FBN1: variants seen among roughly 807,000 people sequenced by gnomAD.
FBN1 encodes fibrillin 1, also known as fibrillin-1.
FBN1 carries 29 observed loss-of-function variants against 365.1 expected under a neutral mutation model. The ratio of observed to expected loss-of-function variants is 0.08; its 90% CI spans 0.06 to 0.11. FBN1 has a LOEUF of 0.11. Among genes scored for constraint, FBN1 ranks in the 10% least tolerant of loss-of-function variants. The probability of loss-of-function intolerance (pLI) is 1.00; values close to 1 mark genes in which losing one functional copy is unlikely to be tolerated. For synonymous variants in FBN1, 1,210 were observed against 1,270.5 expected (o/e 0.95, Z 1.01); for missense variants, 2,476 against 3,703.2 (o/e 0.67, Z 8.60).
intron 7 of FBN1, among the ~76,000 whole-genome samples, chr15:48,536,149 CAT>C (rs545355638): frequency 2.6e-4 from 39 of 152,192 alleles, no homozygotes; most frequent in Non-Finnish European, 4.4e-4. Flanking sequence ...AACAACCAAA[CAT>C]GAAGAATTTC....
chr15:48,629,984 A>T (rs1170511527), intron 2 of FBN1, among the ~76,000 whole-genome samples: 1 of 152,230 alleles, frequency 6.6e-6, no homozygotes, highest in Admixed American at 6.5e-5. Flanking sequence ...TACCATGTTA[A>T]ATCAGTGGCA....
rs1334850076 is a variant in FBN1 at position 48,427,613 on chromosome 15, G to A, written c.7158C>T (p.Phe2386=). ...EICPFQGTVA[F]KKLCPHGRGF... ...CTCGGCCATGGGGACAGAGTTTCTTGAAAGCCACAGTCCCCTGGAAAGGGC... is the reference window on the plus strand; with the variant it reads ...CTCGGCCATGGGGACAGAGTTTCTTAAAAGCCACAGTCCCCTGGAAAGGGC... The change falls in exon 58 of 66, where the codon TTC becomes TTT. Residue 2386 remains phenylalanine (F), a synonymous_variant. Coordinates refer to ENST00000316623, the MANE Select transcript of FBN1 (RefSeq NM_000138.5). 1 of 1,614,144 alleles carries A rather than the reference G, an allele frequency of 6.2e-7. No individual in the cohort carries two copies. Among genetic ancestry groups the A allele is most frequent in the East Asian group, 2.2e-5 (1 of 44,868 alleles).
intron 2 of FBN1, among the ~76,000 whole-genome samples, chr15:48,617,492 T>A (rs1305592233): frequency 6.6e-6 from 1 of 152,200 alleles, no homozygotes; most frequent in East Asian, 1.9e-4. Context: ...TGTTTTTACC[T>A]GTATTCCAAT....
At chr15:48,500,154 A>G (rs546789417) in intron 17 of FBN1, among the ~76,000 whole-genome samples, 1 of 152,360 alleles carries the variant, frequency 6.6e-6, no homozygotes, top group Admixed American at 6.5e-5. Flanking sequence ...GTGGGAACAA[A>G]AAGAAATTCA....
chr15:48,554,323 C>T (rs2044164038), intron 6 of FBN1, among the ~76,000 whole-genome samples: 1 of 152,230 alleles, frequency 6.6e-6, no homozygotes, highest in African/African-American at 2.4e-5. Context: ...GATTAAATCA[C>T]AGCAGTCGAG....
rs572845324 is a variant in FBN1 at position 48,577,776 on chromosome 15, G to A, written c.538+18507C>T. ...GTGTTGGTGACGTTCCATAATGCAC[G>A]AATTAATGTAAGTTAGGAAGTGAGC... On this transcript the variant is annotated intron_variant, in intron 6 of 65. Transcript: ENST00000316623. 1.1e-4 allele frequency among the ~76,000 whole-genome samples: 17 copies of A among 152,214 alleles called. 1 individual carries two copies. The South Asian group carries it at 1.7e-3, about 15-fold the overall frequency.
chr15:48,624,420 T>C (rs1889833016), intron 2 of FBN1, among the ~76,000 whole-genome samples: 1 of 152,252 alleles, frequency 6.6e-6, no homozygotes, highest in African/African-American at 2.4e-5. Context: ...GGAGGGCATC[T>C]GTATCTGGCC....
intron 2 of FBN1, chr15:48,643,206 C>G (rs2140784746): frequency 6.6e-6 from 1 of 152,276 alleles, no homozygotes; most frequent in Admixed American, 6.5e-5. Flanking sequence ...AAAATCAGAG[C>G]CTCAGTCTAC....
rs751546567 is a variant in FBN1 at position 48,460,458 on chromosome 15, A to T, written c.5225-141T>A. On this transcript the variant is annotated intron_variant, in intron 42 of 65. Coordinates refer to ENST00000316623, the MANE Select transcript of FBN1 (RefSeq NM_000138.5). ...GAATTTAAAATAAAAAGTAAACCTG[A>T]AAATTCCTACAGATATAATCTTGCC... is the stretch of plus-strand genomic sequence containing the variant. The T allele has an allele frequency of 8.2e-4, 549 of 667,048 alleles. 8 individuals carry two copies. The highest frequency in any genetic ancestry group is 1.4e-4 in the Non-Finnish European group (50 of 369,836). 41.3% of individuals were successfully genotyped at this position (667,048 alleles called of 1,614,324 possible). A position where few individuals can be genotyped will look rare whatever the true frequency, so the allele number is the denominator to read the frequency against.
At chr15:48,470,999 C>A (rs1180175474) in intron 35 of FBN1, among the ~76,000 whole-genome samples, 1 of 152,036 alleles carries the variant, frequency 6.6e-6, no homozygotes, top group Non-Finnish European at 1.5e-5. Flanking sequence ...TTTATAGATA[C>A]ATATCTCATT....
Position 48,526,257 on chromosome 15 carries a change from T to C in FBN1, c.863-2A>G. ...GAATGGTGCTGCATTCATCAATATC[T>C]GGAATATAAAAAAAAGAATCTCAGC... On this transcript the variant is annotated splice_acceptor_variant, in intron 8 of 65. Transcript: ENST00000316623. LOFTEE classifies it high-confidence loss of function. The C allele has an allele frequency of 6.2e-7, 1 of 1,613,870 alleles. No homozygotes were observed. The highest frequency in any genetic ancestry group is 8.5e-7 in the Non-Finnish European group (1 of 1,179,940).
intron 1 of FBN1, 48 bp downstream of exon 1, chr15:48,645,525 TCC>T (rs1418922515): frequency 1.3e-5 from 2 of 152,548 alleles, no homozygotes; most frequent in Non-Finnish European, 2.9e-5. Flanking sequence ...TGGCCGCAGC[TCC>T]AGCCCCGGTG....
chr15:48,588,417 C>T lies in FBN1; in HGVS notation c.538+7866G>A, dbSNP rs577541722. On this transcript the variant is annotated intron_variant, in intron 6 of 65. Transcript: ENST00000316623. ...GTTCTACTGTTTGAACATCTAAGAT[C>T]GAAAAGTGGTTCAAATATTAAATGT... Among the ~76,000 whole-genome samples the T allele has an allele frequency of 7.9e-5, 12 of 151,884 alleles. No individual in the cohort carries two copies. In the South Asian group the frequency reaches 8.3e-4, roughly 10 times the overall value.
chr15:48,628,148 C>T (rs887013139), intron 2 of FBN1, among the ~76,000 whole-genome samples: 6 of 152,140 alleles, frequency 3.9e-5, no homozygotes, highest in Non-Finnish European at 5.9e-5. Context: ...CATGCACATG[C>T]GCACGTATCA....
chr15:48,539,326 A>C (rs2044038722), intron 6 of FBN1, among the ~76,000 whole-genome samples: 1 of 152,116 alleles, frequency 6.6e-6, no homozygotes, highest in Admixed American at 6.5e-5. Flanking sequence ...ACAAAACTCC[A>C]TGCCAGTCAT....
chr15:48,579,532 C>T (rs916632123), intron 6 of FBN1, among the ~76,000 whole-genome samples: 6 of 152,138 alleles, frequency 3.9e-5, no homozygotes, highest in African/African-American at 1.4e-4. Flanking sequence ...CCAGAAGCTA[C>T]CTTTCTGAAA....
chr15:48,437,193 C>T (rs2043080098), intron 52 of FBN1, 116 bp from the exon 53 acceptor site: 3 of 1,109,600 alleles, frequency 2.7e-6, no homozygotes, highest in Non-Finnish European at 4.1e-6. Context: ...AATATAATTG[C>T]TATCTAAATG....
intron 6 of FBN1, among the ~76,000 whole-genome samples, chr15:48,548,706 G>A (rs2044116919): frequency 6.6e-6 from 1 of 152,156 alleles, no homozygotes; most frequent in African/African-American, 2.4e-5. Context: ...AAGTGTATAT[G>A]GTTAGAAAAT....
At chr15:48,452,715 A>G (rs1430160929) in intron 44 of FBN1, 31 bp from the exon 45 acceptor site, 1 of 1,608,520 alleles carries the variant, frequency 6.2e-7, no homozygotes, top group Admixed American at 1.7e-5. Flanking sequence ...AATTTGAAGG[A>G]GAACAGAATC....
Sources: gnomAD v4.1 joint callset for allele counts (sites outside exome capture counted in the v4.1 genomes callset) on GRCh38, gnomAD v4.1.1 for gene constraint, MANE v1.5 for transcripts, NCBI Gene and HGNC (gene_info 2026-07-23, HGNC 2026-07-21) for gene names.